CCDC141: variants seen among roughly 807,000 people sequenced by gnomAD.
CCDC141 encodes the protein coiled-coil domain containing 141.
CCDC141 carries 168 observed loss-of-function variants against 181.0 expected under a neutral mutation model. The observed-to-expected ratio is 0.93, with a 90% CI of 0.82 to 1.05. CCDC141 has a LOEUF of 1.05. Ranked by LOEUF, CCDC141 falls within the 50% of genes least tolerant of loss-of-function variation. CCDC141 has a pLI of 0.00. For missense variants in CCDC141, 1,902 were observed against 1,788.5 expected (o/e 1.06, Z -1.14); for synonymous variants, 666 against 642.3 (o/e 1.04, Z -0.56).
chr2:178,868,252 A>C, intron 15 of CCDC141, 47 bp from the exon 16 acceptor site: 1 of 1,506,966 alleles, frequency 6.6e-7, no homozygotes, highest in Non-Finnish European at 9.1e-7. Context: ...ATATGAAGAC[A>C]AATTTTTTTT....
chr2:178,978,731 G>T, intron 2 of CCDC141, 56 bp from the exon 3 acceptor site: 1 of 1,310,748 alleles, frequency 7.6e-7, no homozygotes, highest in Non-Finnish European at 1.0e-6. Flanking sequence ...TAAGAACACA[G>T]GATCACATTT....
intron 5 of CCDC141, among the ~76,000 whole-genome samples, chr2:178,948,553 GT>G (rs1553488492): frequency 6.6e-6 from 1 of 152,164 alleles, no homozygotes; most frequent in Non-Finnish European, 1.5e-5. Context: ...GGCTGCTACA[GT>G]TTTGATGTGT....
At chr2:178,858,756 T>C (rs965160931) in intron 17 of CCDC141, among the ~76,000 whole-genome samples, 4 of 151,962 alleles carry the variant, frequency 2.6e-5, no homozygotes, top group East Asian at 1.9e-4. Flanking sequence ...ATATAAAATA[T>C]AGTCATATAT....
In CCDC141 at chr2:178,985,872, G is replaced by A. The variant is rs573752043; in HGVS notation, c.226-7197C>T. ...TCCAGGACCAGATGGATTCACAGCC[G>A]AATTCTACCAGAGGTACAAGGAGGA... is the stretch of plus-strand genomic sequence containing the variant. On this transcript the variant is annotated intron_variant, in intron 2 of 23. Coordinates refer to ENST00000443758, the MANE Select transcript of CCDC141 (RefSeq NM_173648.4). Among the ~76,000 whole-genome samples the A allele has an allele frequency of 7.9e-5, 12 of 152,224 alleles. No homozygotes were observed. The South Asian group carries it at 8.3e-4, about 11-fold the overall frequency.
chr2:178,884,605 C>T lies in CCDC141; in HGVS notation c.1719+296G>A, dbSNP rs1016799. Among the ~76,000 whole-genome samples the T allele has an allele frequency of 0.2, 30,864 of 152,062 alleles. 3,849 individuals are homozygous for T. The highest frequency in any genetic ancestry group is 0.34 in the African/African-American group (13,900 of 41,434). ...TTTGTTTTCCTTGTGCTTGCCCTTT[C>T]TCCTTTAAATACTGAAGTTCCCCAA... On this transcript the variant is annotated intron_variant, in intron 11 of 23. Transcript: ENST00000443758.
At chr2:178,838,965 C>T (rs934325366) in intron 22 of CCDC141, among the ~76,000 whole-genome samples, 1 of 152,150 alleles carries the variant, frequency 6.6e-6, no homozygotes, top group African/African-American at 2.4e-5. Flanking sequence ...CTTTCTGTGC[C>T]GTTCCTCAGC....
At chr2:179,043,703 A>T (rs1227940267) in intron 2 of CCDC141, among the ~76,000 whole-genome samples, 1 of 152,198 alleles carries the variant, frequency 6.6e-6, no homozygotes, top group Non-Finnish European at 1.5e-5. Context: ...TATATGACAA[A>T]CCCGCATCCA....
intron 2 of CCDC141, among the ~76,000 whole-genome samples, chr2:179,015,279 T>TC (rs1559049264): frequency 2.4e-5 from 3 of 127,500 alleles, no homozygotes; most frequent in African/African-American, 8.3e-5. Flanking sequence ...ATATCTCATC[T>TC]ATCTCTCATA....
chr2:178,817,922 C>A, the CCDC141 span, among the ~76,000 whole-genome samples: 1 of 151,750 alleles, frequency 6.6e-6, no homozygotes, highest in African/African-American at 2.4e-5. Context: ...CCTGCCTCAG[C>A]CTCCTGAGTA....
intron 6 of CCDC141, among the ~76,000 whole-genome samples, chr2:178,928,591 A>C (rs1688992877): frequency 6.6e-6 from 1 of 152,228 alleles, no homozygotes; most frequent in South Asian, 2.1e-4. Flanking sequence ...ATTTTTGTAA[A>C]AGTCAAAACT....
intron 2 of CCDC141, among the ~76,000 whole-genome samples, chr2:178,991,342 C>T (rs1025743166): frequency 2.0e-5 from 3 of 152,172 alleles, no homozygotes; most frequent in Non-Finnish European, 4.4e-5. Context: ...GAACTTTTCA[C>T]ACGCAGCACT....
At chr2:178,945,767 A>G (rs1029125194) in intron 5 of CCDC141, among the ~76,000 whole-genome samples, 7 of 152,106 alleles carry the variant, frequency 4.6e-5, no homozygotes, top group African/African-American at 1.4e-4. Context: ...ATCCTATAAC[A>G]TGGAGAAATG....
At chr2:178,900,162 C>G (rs951489697) in intron 8 of CCDC141, among the ~76,000 whole-genome samples, 1 of 152,082 alleles carries the variant, frequency 6.6e-6, no homozygotes, top group African/African-American at 2.4e-5. Context: ...TGACAGAAAC[C>G]ATATTGCTAA....
chr2:178,900,330 G>T (rs946591381), intron 8 of CCDC141, among the ~76,000 whole-genome samples: 6 of 151,938 alleles, frequency 3.9e-5, no homozygotes, highest in African/African-American at 1.5e-4. Flanking sequence ...GACAAAAAGA[G>T]CAAAAGAGGG....
rs181666170 is a variant in CCDC141 at position 178,945,759 on chromosome 2, C to A, written c.781-1108G>T. 5.3e-5 allele frequency among the ~76,000 whole-genome samples: 8 copies of A among 152,098 alleles called. No individual in the cohort carries two copies. The East Asian group carries it at 5.8e-4, about 11-fold the overall frequency. On this transcript the variant is annotated intron_variant, in intron 5 of 23. Transcript: ENST00000443758. ...AGCAGTCTCAGGATTTCTCTGAAAT[C>A]CTATAACATGGAGAAATGTGTACAA...
At chr2:178,823,252 C>G in the CCDC141 span, among the ~76,000 whole-genome samples, 1 of 152,020 alleles carries the variant, frequency 6.6e-6, no homozygotes, top group Non-Finnish European at 1.5e-5. Flanking sequence ...GAATAAGCAT[C>G]CTCTATCTGC....
intron 6 of CCDC141, among the ~76,000 whole-genome samples, chr2:178,936,818 G>A (rs1430485449): frequency 6.6e-6 from 1 of 151,958 alleles, no homozygotes; most frequent in Non-Finnish European, 1.5e-5. Flanking sequence ...CACCTCCCTG[G>A]TTAGCTGTAT....
intron 2 of CCDC141, among the ~76,000 whole-genome samples, chr2:179,038,051 A>T (rs1300636232): frequency 3.9e-5 from 6 of 152,178 alleles, no homozygotes; most frequent in Admixed American, 6.5e-5. Context: ...TCAAACAGAT[A>T]CTCGTACACC....
At position 178,845,733 on chromosome 2, in the gene CCDC141, C is replaced by T; in HGVS notation, c.3367G>A (p.Val1123Ile). The change falls in exon 22 of 24, where the codon GTT becomes ATT. Residue 1123 changes from valine to isoleucine, a missense_variant. Val to Ile is a conservative substitution (Grantham distance 29). Transcript: ENST00000443758. ...ELEEKLKQGD[V>I]LKMNPNLEDF... Reference sequence around the variant, plus strand: ...TCCAAATTCGGATTCATCTTTAAAACATCTCCCTGCTGTACAAAGCAACAG... The same window carrying T: ...TCCAAATTCGGATTCATCTTTAAAATATCTCCCTGCTGTACAAAGCAACAG... 1.3e-6 allele frequency: 2 copies of T among 1,596,338 alleles called. No homozygotes were observed. The highest frequency in any genetic ancestry group is 1.7e-6 in the Non-Finnish European group (2 of 1,163,964).
Sources: allele counts gnomAD v4.1 joint callset (sites outside exome capture counted in the v4.1 genomes callset), GRCh38; gene constraint gnomAD v4.1.1; transcripts MANE v1.5; gene names NCBI Gene and HGNC (gene_info 2026-07-23, HGNC 2026-07-21).